COL25A1: variants seen among roughly 807,000 people sequenced by gnomAD.
COL25A1 encodes collagen type XXV alpha 1 chain.
In COL25A1, 103 loss-of-function variants were observed where a neutral mutation model predicts 128.4. The observed-to-expected ratio is 0.80, with a 90% CI of 0.68 to 0.94. The LOEUF (loss-of-function observed/expected upper bound fraction) is 0.94. Among genes scored for constraint, COL25A1 ranks in the 40% least tolerant of loss-of-function variants. The pLI is 0.00. For synonymous variants in COL25A1, 279 were observed against 277.2 expected (o/e 1.01, Z -0.06); for missense variants, 745 against 840.0 (o/e 0.89, Z 1.40).
At chr4:109,247,917 A>T (rs1780383119) in intron 3 of COL25A1, among the ~76,000 whole-genome samples, 1 of 152,140 alleles carries the variant, frequency 6.6e-6, no homozygotes, top group African/African-American at 2.4e-5. Flanking sequence ...GGAGAGAGAT[A>T]ACAGAAAGAA....
intron 3 of COL25A1, among the ~76,000 whole-genome samples, chr4:109,054,036 A>C (rs566816471): frequency 6.6e-6 from 1 of 152,226 alleles, no homozygotes; most frequent in South Asian, 2.1e-4. Flanking sequence ...TTAGATAATA[A>C]ATTCCTGACT....
intron 3 of COL25A1, among the ~76,000 whole-genome samples, chr4:109,195,898 T>C (rs570913801): frequency 6.6e-6 from 1 of 152,350 alleles, no homozygotes; most frequent in African/African-American, 2.4e-5. Context: ...CTGTATTCTA[T>C]GATGGAATTG....
At chr4:108,888,235 C>T (rs1194170975) in intron 18 of COL25A1, among the ~76,000 whole-genome samples, 1 of 152,036 alleles carries the variant, frequency 6.6e-6, no homozygotes, top group Non-Finnish European at 1.5e-5. Flanking sequence ...AGCAATTATC[C>T]TCTCAATGAC....
chr4:109,169,915 CA>C (rs940708178), intron 3 of COL25A1, among the ~76,000 whole-genome samples: 3 of 151,972 alleles, frequency 2.0e-5, no homozygotes, highest in African/African-American at 7.2e-5. Flanking sequence ...TTTAAAATTC[CA>C]TACTTACTGA....
At chr4:109,126,916 T>C (rs1404707171) in intron 3 of COL25A1, among the ~76,000 whole-genome samples, 1 of 144,144 alleles carries the variant, frequency 6.9e-6, no homozygotes, top group Non-Finnish European at 1.5e-5. Context: ...ATAATAAAAT[T>C]AAAAAAAAAA....
At chr4:108,920,875 GT>G (rs1745421438) in intron 11 of COL25A1, 2 of 311,800 alleles carry the variant, frequency 6.4e-6, no homozygotes, top group Admixed American at 4.9e-5. Flanking sequence ...AGCACATATT[GT>G]TTTTTTAAAA....
At chr4:109,078,197 T>C (rs1257150431) in intron 3 of COL25A1, among the ~76,000 whole-genome samples, 2 of 152,216 alleles carry the variant, frequency 1.3e-5, no homozygotes, top group Non-Finnish European at 2.9e-5. Flanking sequence ...ACATCACCCA[T>C]AACTCATTTC....
chr4:109,159,642 T>C (rs886737393), intron 3 of COL25A1, among the ~76,000 whole-genome samples: 1 of 152,188 alleles, frequency 6.6e-6, no homozygotes, highest in African/African-American at 2.4e-5. Context: ...GAAAGAGCTA[T>C]GAAGAACATT....
intron 20 of COL25A1, among the ~76,000 whole-genome samples, chr4:108,867,079 G>A (rs1738028530): frequency 6.6e-6 from 1 of 152,134 alleles, no homozygotes; most frequent in South Asian, 2.1e-4. Flanking sequence ...TGGATTTTAT[G>A]CCTCTACATC....
intron 3 of COL25A1, among the ~76,000 whole-genome samples, chr4:109,104,636 C>T (rs1185337196): frequency 6.6e-6 from 1 of 151,956 alleles, no homozygotes; most frequent in African/African-American, 2.4e-5. Flanking sequence ...CAGGGGAACA[C>T]ATTAAAAGAC....
At chr4:108,851,433 C>T (rs938155360) in intron 26 of COL25A1, among the ~76,000 whole-genome samples, 3 of 151,980 alleles carry the variant, frequency 2.0e-5, no homozygotes, top group Non-Finnish European at 4.4e-5. Flanking sequence ...AAAGCTGATA[C>T]GTGTGAGTGT....
chr4:109,035,922 T>G (rs1038788585), intron 5 of COL25A1, among the ~76,000 whole-genome samples: 1 of 151,804 alleles, frequency 6.6e-6, no homozygotes, highest in African/African-American at 2.4e-5. Flanking sequence ...TTATTTTTAT[T>G]TTTATTTATT....
intron 8 of COL25A1, among the ~76,000 whole-genome samples, chr4:108,969,301 G>A (rs1724457): frequency 2.5e-4 from 38 of 152,126 alleles, no homozygotes; most frequent in African/African-American, 8.7e-4. Flanking sequence ...GAAGTTCATA[G>A]GGAAAATGTT....
intron 16 of COL25A1, among the ~76,000 whole-genome samples, chr4:108,893,968 C>T (rs1001276167): frequency 1.3e-5 from 2 of 151,984 alleles, no homozygotes; most frequent in African/African-American, 2.4e-5. Flanking sequence ...AAATAATTTC[C>T]GTTTTACCTG....
At chr4:108,895,528 G>A (rs557149937) in intron 16 of COL25A1, among the ~76,000 whole-genome samples, 49 of 152,254 alleles carry the variant, frequency 3.2e-4, no homozygotes, top group African/African-American at 1.2e-3. Flanking sequence ...TAAGAAGAGA[G>A]GAGGCAGAAG....
chr4:109,080,768 C>A (rs1364849), intron 3 of COL25A1, among the ~76,000 whole-genome samples: 12,932 of 152,128 alleles, frequency 0.085, 615 homozygotes, highest in South Asian at 0.1. Flanking sequence ...TTAGATTTTG[C>A]CACCTAAATT....
At position 108,810,263 on chromosome 4, in the gene COL25A1, T is replaced by C. The variant is rs527672884; in HGVS notation, c.*3664A>G. On this transcript the variant is annotated 3_prime_UTR_variant, in exon 38 of 38. Transcript: ENST00000399132. ...AATATAACATATCAAAGACAATTTT[T>C]CCATTGGTACTGACATGCTGATTTG... The C allele has an allele frequency of 6.6e-6, 1 of 152,010 alleles. No individual in the cohort carries two copies. Among genetic ancestry groups the C allele is most frequent in the Middle Eastern group, 3.4e-3 (1 of 294 alleles). 9.4% of individuals were successfully genotyped at this position (152,010 alleles called of 1,614,324 possible). A position where few individuals can be genotyped will look rare whatever the true frequency, so the allele number is the denominator to read the frequency against.
chr4:109,020,096 A>AG (rs1757586542), intron 5 of COL25A1, among the ~76,000 whole-genome samples: 2 of 151,910 alleles, frequency 1.3e-5, no homozygotes, highest in African/African-American at 4.8e-5. Context: ...TATACTAGAG[A>AG]AGCAATTGAA....
At chr4:109,129,863 GT>G (rs1769006518) in intron 3 of COL25A1, among the ~76,000 whole-genome samples, 1 of 152,138 alleles carries the variant, frequency 6.6e-6, no homozygotes, top group African/African-American at 2.4e-5. Flanking sequence ...TTGCAAAGTT[GT>G]TTAAGATTAA....
Sources: allele counts gnomAD v4.1 joint callset (sites outside exome capture counted in the v4.1 genomes callset), GRCh38; gene constraint gnomAD v4.1.1; transcripts MANE v1.5; gene names NCBI Gene and HGNC (gene_info 2026-07-23, HGNC 2026-07-21).